Variants in KCNQ5 observed in about 807,000 individuals in gnomAD.
The protein encoded by KCNQ5 is potassium voltage-gated channel subfamily KQT member 5.
A neutral mutation model predicts 98.2 loss-of-function variants in KCNQ5; 30 were observed. That is an observed-to-expected ratio of 0.31 (90% CI 0.23 to 0.41). KCNQ5 has a LOEUF of 0.41. KCNQ5 is among the 10% of genes least tolerant of loss of function. The pLI is 1.00. For missense variants in KCNQ5, 835 were observed against 1,182.5 expected, an observed-to-expected ratio of 0.71 and a Z score of 4.31; for synonymous variants, 458 against 449.4, an observed-to-expected ratio of 1.02 and a Z score of -0.24.
At chr6:72,663,512 A>C (rs1237139116) in intron 1 of KCNQ5, among the ~76,000 whole-genome samples, 2 of 152,198 alleles carry the variant, frequency 1.3e-5, no homozygotes, top group Non-Finnish European at 2.9e-5. Context: ...AGGAAGTCAC[A>C]CTTCTCTAAA....
intron 3 of KCNQ5, among the ~76,000 whole-genome samples, chr6:73,052,641 G>A (rs1469381230): frequency 6.6e-6 from 1 of 152,170 alleles, no homozygotes; most frequent in Non-Finnish European, 1.5e-5. Flanking sequence ...GCCAAACTAA[G>A]CTTCATAAAT....
Position 72,881,620 on chromosome 6 carries a change from T to C in KCNQ5, c.399-122288T>C, listed in dbSNP as rs190160325. 3.3e-5 allele frequency among the ~76,000 whole-genome samples: 5 copies of C among 152,286 alleles called. No homozygotes were observed. In the East Asian group the frequency reaches 9.6e-4, roughly 29 times the overall value. ...ATAATTTCAAGCAGAATTTTAAAAG[T>C]GTTACAAGTAAAAGTACAAGCAAAA... On this transcript the variant is annotated intron_variant, in intron 1 of 13. Transcript: ENST00000370398.
At chr6:72,705,581 G>T (rs1257018015) in intron 1 of KCNQ5, among the ~76,000 whole-genome samples, 9 of 113,030 alleles carry the variant, frequency 8.0e-5, no homozygotes, top group African/African-American at 4.6e-4. Flanking sequence ...GTTTTTTGTT[G>T]TTGTTTTTGT....
chr6:72,891,655 G>A (rs538469957), intron 1 of KCNQ5, among the ~76,000 whole-genome samples: 7 of 152,222 alleles, frequency 4.6e-5, no homozygotes, highest in South Asian at 2.1e-4. Flanking sequence ...TTTATGCACC[G>A]ATGTTAGAAT....
chr6:73,158,505 A>C (rs1184946361), intron 10 of KCNQ5, among the ~76,000 whole-genome samples: 1 of 151,938 alleles, frequency 6.6e-6, no homozygotes, highest in Non-Finnish European at 1.5e-5. Flanking sequence ...GACCTCAGGG[A>C]TCCGCGCGCC....
At chr6:73,038,350 G>GT (rs149035613) in intron 2 of KCNQ5, among the ~76,000 whole-genome samples, 7 of 150,786 alleles carry the variant, frequency 4.6e-5, no homozygotes, top group East Asian at 2.0e-4. Flanking sequence ...CAAACTGCAT[G>GT]TTTTTTTTTT....
intron 1 of KCNQ5, among the ~76,000 whole-genome samples, chr6:72,743,653 A>G (rs752292140): frequency 5.9e-5 from 9 of 152,210 alleles, no homozygotes; most frequent in African/African-American, 2.2e-4. Context: ...TATCTATTAC[A>G]AACAACTTAT....
chr6:72,890,931 T>A (rs1456524961), intron 1 of KCNQ5, among the ~76,000 whole-genome samples: 6 of 152,158 alleles, frequency 3.9e-5, no homozygotes, highest in Admixed American at 3.9e-4. Flanking sequence ...AACTCCTAAA[T>A]CAGATTAACA....
At chr6:73,055,834 G>A in intron 3 of KCNQ5, 1 of 735,206 alleles carries the variant, frequency 1.4e-6, no homozygotes, top group Admixed American at 1.8e-5. Flanking sequence ...AGTTGTGGCT[G>A]CCCAGGGCAA....
chr6:73,153,187 T>C (rs1055613445), intron 10 of KCNQ5, among the ~76,000 whole-genome samples: 5 of 152,134 alleles, frequency 3.3e-5, no homozygotes, highest in African/African-American at 1.2e-4. Flanking sequence ...TTGTTGTTCT[T>C]AGCTTTTCTC....
In KCNQ5 at chr6:73,120,572, T is replaced by A. The variant is rs1399941237; in HGVS notation, c.1215T>A (p.Pro405=). The A allele has an allele frequency of 2.5e-6, 4 of 1,606,824 alleles. No individual in the cohort carries two copies. The highest frequency in any genetic ancestry group is 3.4e-6 in the Non-Finnish European group (4 of 1,174,730). Residue 405 remains proline (P), a synonymous_variant, in exon 8 of 14, where the codon CCT becomes CCA. Transcript: ENST00000370398. ...TGAAGGCCTTGCACACCTGCAGCCC[T>A]ACCAAGTAGGTATCAGTGTGACAGC... The part of the protein sequence containing the change: ...PHLKALHTCS[P]TKKEQGEASS...
chr6:73,166,580 C>A (rs1777810437), intron 10 of KCNQ5, among the ~76,000 whole-genome samples: 1 of 151,468 alleles, frequency 6.6e-6, no homozygotes, highest in Non-Finnish European at 1.5e-5. Flanking sequence ...TGGAAGCCAT[C>A]AGGGAAAGTT....
chr6:72,899,281 T>C (rs928831960), intron 1 of KCNQ5, among the ~76,000 whole-genome samples: 1 of 152,328 alleles, frequency 6.6e-6, no homozygotes, highest in East Asian at 1.9e-4. Context: ...AATAACCATA[T>C]ACTATTCCAA....
In KCNQ5 at chr6:72,895,773, G is replaced by C. The variant is rs75822240; in HGVS notation, c.399-108135G>C. On this transcript the variant is annotated intron_variant, in intron 1 of 13. Coordinates refer to ENST00000370398, the MANE Select transcript of KCNQ5 (RefSeq NM_019842.4). Reference sequence around the variant, plus strand: ...TATTTAATGTTTATGTATATTAAAAGTGTTAGTCTTTTTAAAGAATGGAAA... The same window carrying C: ...TATTTAATGTTTATGTATATTAAAACTGTTAGTCTTTTTAAAGAATGGAAA... Among the ~76,000 whole-genome samples the C allele has an allele frequency of 5.7e-3, 857 of 151,264 alleles. 13 individuals are homozygous for C. The highest frequency in any genetic ancestry group is 0.02 in the East Asian group (105 of 5,164).
intron 1 of KCNQ5, among the ~76,000 whole-genome samples, chr6:72,719,166 G>A (rs1184974695): frequency 6.6e-6 from 1 of 152,144 alleles, no homozygotes; most frequent in African/African-American, 2.4e-5. Flanking sequence ...GAACCAGCAG[G>A]AATCTGAATT....
intron 6 of KCNQ5, among the ~76,000 whole-genome samples, chr6:73,107,181 A>C (rs1775038178): frequency 6.6e-6 from 1 of 152,196 alleles, no homozygotes; most frequent in Non-Finnish European, 1.5e-5. Context: ...CATGTAGAGC[A>C]ACCTCTATGA....
At chr6:73,059,270 G>T (rs936776900) in intron 3 of KCNQ5, among the ~76,000 whole-genome samples, 5 of 152,156 alleles carry the variant, frequency 3.3e-5, no homozygotes, top group African/African-American at 1.2e-4. Flanking sequence ...CAACAACATG[G>T]ATGAGGCTGG....
chr6:73,117,762 C>G (rs924272831), intron 7 of KCNQ5, among the ~76,000 whole-genome samples: 2 of 152,216 alleles, frequency 1.3e-5, no homozygotes, highest in Non-Finnish European at 2.9e-5. Context: ...CTGGGCATCA[C>G]TACTACAGAA....
chr6:73,175,745 T>A (rs1778188003), intron 11 of KCNQ5, among the ~76,000 whole-genome samples: 1 of 152,188 alleles, frequency 6.6e-6, no homozygotes, highest in Non-Finnish European at 1.5e-5. Context: ...AAAAGATGGA[T>A]CCCTGCTTAG....
Sources: gnomAD v4.1 joint callset for allele counts (sites outside exome capture counted in the v4.1 genomes callset) on GRCh38, gnomAD v4.1.1 for gene constraint, MANE v1.5 for transcripts, NCBI Gene and HGNC (gene_info 2026-07-23, HGNC 2026-07-21) for gene names.